Variants in CACNA1E observed in about 807,000 individuals in gnomAD.
The protein encoded by CACNA1E is voltage-dependent R-type calcium channel subunit alpha-1E.
A neutral mutation model predicts 259.2 loss-of-function variants in CACNA1E; 40 were observed. The ratio of observed to expected loss-of-function variants is 0.15; its 90% CI spans 0.12 to 0.20. The LOEUF (loss-of-function observed/expected upper bound fraction) is 0.20, where lower values mean the gene tolerates loss of function less well. CACNA1E is among the 10% of genes least tolerant of loss of function. The pLI is 1.00. For missense variants in CACNA1E, 1,874 were observed against 3,040.1 expected (o/e 0.62, Z 9.02); for synonymous variants, 1,104 against 1,138.5 (o/e 0.97, Z 0.61).
At chr1:181,370,380 T>C (rs1441172852) in intron 1 of CACNA1E, among the ~76,000 whole-genome samples, 2 of 151,972 alleles carry the variant, frequency 1.3e-5, no homozygotes, top group African/African-American at 2.4e-5. Context: ...AATGATTTCT[T>C]CATGCCCAGG....
intron 6 of CACNA1E, among the ~76,000 whole-genome samples, chr1:181,637,063 C>T (rs974578484): frequency 4.6e-5 from 7 of 152,192 alleles, no homozygotes; most frequent in South Asian, 2.1e-4. Flanking sequence ...GTCTGGGGCT[C>T]TACAGGGACC....
chr1:181,601,487 T>C (rs966022190), intron 6 of CACNA1E, among the ~76,000 whole-genome samples: 1 of 152,240 alleles, frequency 6.6e-6, no homozygotes, highest in East Asian at 1.9e-4. Context: ...CATCTACCTG[T>C]CCATCATTTT....
chr1:181,789,705 T>C (rs1661130849), intron 43 of CACNA1E, among the ~76,000 whole-genome samples: 2 of 152,210 alleles, frequency 1.3e-5, no homozygotes, highest in South Asian at 4.1e-4. Context: ...GTGGATCCCG[T>C]CAGGTTAAGA....
chr1:181,494,037 C>T (rs1664530731), intron 1 of CACNA1E, among the ~76,000 whole-genome samples: 1 of 152,194 alleles, frequency 6.6e-6, no homozygotes, highest in Non-Finnish European at 1.5e-5. Flanking sequence ...TGCTTTTCCA[C>T]CTAGAATGAG....
At chr1:181,454,207 T>C (rs185994083) in intron 2 of CACNA1E, among the ~76,000 whole-genome samples, 33 of 152,290 alleles carry the variant, frequency 2.2e-4, no homozygotes, top group Admixed American at 1.2e-3. Flanking sequence ...ATTTTACTCT[T>C]GTGAGTGGTC....
chr1:181,674,342 G>A (rs538901646), intron 7 of CACNA1E, among the ~76,000 whole-genome samples: 2 of 136,262 alleles, frequency 1.5e-5, no homozygotes, highest in South Asian at 2.4e-4. Flanking sequence ...GCAGTGAGCC[G>A]AGATCGCGCC....
intron 39 of CACNA1E, 60 bp downstream of exon 39, chr1:181,781,583 G>T (rs1416762710): frequency 2.3e-6 from 2 of 888,486 alleles, no homozygotes; most frequent in East Asian, 2.6e-5. Flanking sequence ...ATCTAGTTGT[G>T]GGGAGGCCAG....
At chr1:181,746,463 T>A (rs1000593860) in intron 25 of CACNA1E, among the ~76,000 whole-genome samples, 3 of 152,218 alleles carry the variant, frequency 2.0e-5, no homozygotes, top group African/African-American at 7.2e-5. Flanking sequence ...AGTTCAGTGT[T>A]GTCTCCATTA....
chr1:181,669,112 A>G (rs76240793), intron 7 of CACNA1E: 82 of 152,350 alleles, frequency 5.4e-4, no homozygotes, highest in African/African-American at 1.8e-3. Flanking sequence ...GAAAAAAATA[A>G]ACAACAAAAC....
chr1:181,797,766 A>G (rs1249610145), intron 47 of CACNA1E, among the ~76,000 whole-genome samples: 1 of 152,244 alleles, frequency 6.6e-6, no homozygotes, highest in Non-Finnish European at 1.5e-5. Context: ...GCCTGAGCCA[A>G]CAACTGAGTG....
intron 1 of CACNA1E, among the ~76,000 whole-genome samples, chr1:181,411,342 G>A (rs1459076972): frequency 6.6e-6 from 1 of 152,164 alleles, no homozygotes; most frequent in Non-Finnish European, 1.5e-5. Flanking sequence ...GGTCCATGAG[G>A]CGTAAAACAG....
At chr1:181,412,002 C>A (rs1440902168) in intron 1 of CACNA1E, among the ~76,000 whole-genome samples, 1 of 152,282 alleles carries the variant, frequency 6.6e-6, no homozygotes, top group Non-Finnish European at 1.5e-5. Context: ...CTTCCTGCCT[C>A]TTCCATGAGG....
intron 6 of CACNA1E, among the ~76,000 whole-genome samples, chr1:181,637,437 TCCC>T (rs1657337948): frequency 1.7e-4 from 1 of 6,018 alleles, no homozygotes; most frequent in Non-Finnish European, 4.3e-4. Flanking sequence ...CCTCCTTCCC[TCCC>T]TCCCTCCCTC....
intron 2 of CACNA1E, among the ~76,000 whole-genome samples, chr1:181,466,593 C>G (rs187890130): frequency 6.6e-6 from 1 of 151,896 alleles, no homozygotes; most frequent in Non-Finnish European, 1.5e-5. Flanking sequence ...CAAAACAAAA[C>G]AAAACACATA....
intron 2 of CACNA1E, among the ~76,000 whole-genome samples, chr1:181,423,662 A>ATGTTTTTTTTTTTT (rs1430665143): frequency 2.3e-5 from 3 of 130,996 alleles, no homozygotes; most frequent in African/African-American, 9.1e-5. Flanking sequence ...CATTGGGCCA[A>ATGTTTTTTTTTTTT]TTTTTTTTTT....
At chr1:181,499,843 C>G (rs980478724) in intron 1 of CACNA1E, among the ~76,000 whole-genome samples, 2 of 152,210 alleles carry the variant, frequency 1.3e-5, no homozygotes, top group African/African-American at 4.8e-5. Context: ...GAGCCAGTTA[C>G]CTGACTTCCT....
At chr1:181,478,377 A>T (rs1000305710) in intron 2 of CACNA1E, among the ~76,000 whole-genome samples, 1 of 152,188 alleles carries the variant, frequency 6.6e-6, no homozygotes, top group Non-Finnish European at 1.5e-5. Flanking sequence ...TTTTCACCCA[A>T]GTAAGGGCTG....
intron 8 of CACNA1E, among the ~76,000 whole-genome samples, chr1:181,711,355 G>A (rs951365877): frequency 9.2e-5 from 14 of 152,146 alleles, no homozygotes; most frequent in South Asian, 2.1e-4. Flanking sequence ...GGCTGATGGC[G>A]TTTTGTAATA....
chr1:181,699,973 A>C (rs1652072535), intron 7 of CACNA1E, among the ~76,000 whole-genome samples: 1 of 152,110 alleles, frequency 6.6e-6, no homozygotes, highest in African/African-American at 2.4e-5. Context: ...ACTGGGTTTC[A>C]AGCTCAGTGG....
Sources: gnomAD v4.1 joint callset for allele counts (sites outside exome capture counted in the v4.1 genomes callset) on GRCh38, gnomAD v4.1.1 for gene constraint, MANE v1.5 for transcripts, NCBI Gene and HGNC (gene_info 2026-07-23, HGNC 2026-07-21) for gene names.